Variants in KIF20B observed in about 807,000 individuals in gnomAD.
KIF20B encodes the protein kinesin-like protein KIF20B.
In KIF20B, 188 loss-of-function variants were observed where a neutral mutation model predicts 232.5. The ratio of observed to expected loss-of-function variants is 0.81; its 90% CI spans 0.72 to 0.91. The LOEUF is 0.91. Among genes scored for constraint, KIF20B ranks in the 40% least tolerant of loss-of-function variants. The pLI is 0.00. For synonymous variants in KIF20B, 712 were observed against 683.0 expected (o/e 1.04, Z -0.66); for missense variants, 2,154 against 2,055.9 (o/e 1.05, Z -0.92).
chr10:89,749,118 T>C (rs1368222455), intron 23 of KIF20B, among the ~76,000 whole-genome samples: 1 of 152,216 alleles, frequency 6.6e-6, no homozygotes, highest in Non-Finnish European at 1.5e-5. Flanking sequence ...GTTACCACTT[T>C]TCTCTCAGAA....
At chr10:89,748,983 C>T (rs530942385) in intron 23 of KIF20B, among the ~76,000 whole-genome samples, 1 of 152,138 alleles carries the variant, frequency 6.6e-6, no homozygotes, top group Admixed American at 6.5e-5. Context: ...CTCTTCTTTT[C>T]CTCAGTTATA....
At chr10:89,720,670 GT>G (rs988834144) in intron 13 of KIF20B, among the ~76,000 whole-genome samples, 1 of 151,896 alleles carries the variant, frequency 6.6e-6, no homozygotes. Flanking sequence ...TTTAACGGTT[GT>G]TTTTTTAGCT....
chr10:89,709,238 A>G lies in KIF20B; in HGVS notation c.219A>G (p.Lys73=). 6.2e-7 allele frequency: 1 copy of G among 1,609,354 alleles called. No individual in the cohort carries two copies. Among genetic ancestry groups the G allele is most frequent in the Non-Finnish European group, 8.5e-7 (1 of 1,176,992 alleles). ...TAAGACCATTTACACAGTCAGAAAA[A>G]GAACTTGAGTCTGAGGTTTGTGTTG... ...LRIRPFTQSE[K]ELESEGCVHI... Residue 73 remains lysine (K), a synonymous_variant, in exon 3 of 33, where the codon AAA becomes AAG. Transcript: ENST00000371728.
chr10:89,768,402 T>C lies in KIF20B; in HGVS notation c.5091+11T>C, dbSNP rs1842405837. On this transcript the variant is annotated intron_variant, in intron 30 of 32. Transcript: ENST00000371728. ...AAAAAGGAACAAAAGGTGTGTCTTTTAATTTGTCCAAAATTGTAGCAATTA... is the reference window on the plus strand; with the variant it reads ...AAAAAGGAACAAAAGGTGTGTCTTTCAATTTGTCCAAAATTGTAGCAATTA... The C allele has an allele frequency of 6.9e-7, 1 of 1,449,550 alleles. No individual in the cohort carries two copies. 89.8% of individuals were successfully genotyped at this position (1,449,550 alleles called of 1,614,324 possible).
intron 4 of KIF20B, 58 bp from the exon 5 acceptor site, chr10:89,709,869 A>G (rs1489545602): frequency 2.4e-5 from 34 of 1,413,944 alleles, no homozygotes; most frequent in Non-Finnish European, 3.1e-5. Context: ...GGGATGGAAC[A>G]CACTATTAAT....
chr10:89,740,282 A>G (rs1357884059), intron 21 of KIF20B, among the ~76,000 whole-genome samples: 5 of 150,992 alleles, frequency 3.3e-5, no homozygotes, highest in Non-Finnish European at 5.9e-5. Flanking sequence ...TACTTATTTA[A>G]AAAAAATTTA....
At chr10:89,727,923 T>G in intron 17 of KIF20B, 27 bp downstream of exon 17, 1 of 1,525,216 alleles carries the variant, frequency 6.6e-7, no homozygotes, top group Non-Finnish European at 8.9e-7. Flanking sequence ...TATTTTGTCT[T>G]GATAAGGTAT....
intron 26 of KIF20B, among the ~76,000 whole-genome samples, chr10:89,756,195 A>G (rs2133158577): frequency 6.6e-6 from 1 of 152,358 alleles, no homozygotes; most frequent in East Asian, 1.9e-4. Flanking sequence ...AAAAAAGTTT[A>G]CTTTTTCATG....
Position 89,738,468 on chromosome 10 carries a change from G to C in KIF20B, c.3627G>C (p.Gln1209His). The C allele has an allele frequency of 6.2e-7, 1 of 1,605,244 alleles. No individual in the cohort carries two copies. The highest frequency in any genetic ancestry group is 8.5e-7 in the Non-Finnish European group (1 of 1,177,114). Residue 1209 changes from glutamine (Q) to histidine (H), a missense_variant, in exon 20 of 33, where the codon CAG becomes CAC. Transcript: ENST00000371728. ...TGAAGGAATTTCAAGAACATCTTCA[G>C]GATTCTGTCAAAAACACCAAAGATT... ...RNLKEFQEHL[Q>H]DSVKNTKDLN...
chr10:89,763,900 T>G (rs983585094), intron 29 of KIF20B, among the ~76,000 whole-genome samples: 19 of 149,302 alleles, frequency 1.3e-4, no homozygotes, highest in Non-Finnish European at 2.5e-4. Context: ...ATTTATTTAT[T>G]TATTTATTAT....
In KIF20B at chr10:89,762,789, T is replaced by C. The variant is rs1842273064; in HGVS notation, c.4943T>C (p.Val1648Ala). The change falls in exon 29 of 33, where the codon GTT (valine) becomes GCT (alanine). Residue 1648 changes from valine (V) to alanine (A), a missense_variant. Physicochemically the swap from Val to Ala is moderately conservative, Grantham distance 64 (BLOSUM62 0). Transcript: ENST00000371728. ...KHPGCTTPVTVKIPKARKRKS... is the reference protein window; with the variant it reads ...KHPGCTTPVTAKIPKARKRKS... Reference sequence around the variant, plus strand: ...CCTGGTTGTACCACACCAGTGACAGTTAAGATTCCCAAGGCTCGGAAGAGG... The same window carrying C: ...CCTGGTTGTACCACACCAGTGACAGCTAAGATTCCCAAGGCTCGGAAGAGG... The C allele has an allele frequency of 1.2e-6, 2 of 1,613,128 alleles. No homozygotes were observed. Among genetic ancestry groups the C allele is most frequent in the Non-Finnish European group, 1.7e-6 (2 of 1,179,530 alleles).
At chr10:89,732,724 T>C (rs1296144089) in intron 18 of KIF20B, among the ~76,000 whole-genome samples, 179 bp from the exon 19 acceptor site, 1 of 152,186 alleles carries the variant, frequency 6.6e-6, no homozygotes, top group Non-Finnish European at 1.5e-5. Flanking sequence ...TCCCCAAATG[T>C]TACTTATTTG....
At chr10:89,720,453 A>T (rs1843028391) in intron 13 of KIF20B, among the ~76,000 whole-genome samples, 1 of 152,102 alleles carries the variant, frequency 6.6e-6, no homozygotes, top group Non-Finnish European at 1.5e-5. Context: ...AGTATTTCAG[A>T]TCTGTATTGC....
At chr10:89,728,752 C>G (rs939818580) in intron 17 of KIF20B, among the ~76,000 whole-genome samples, 1 of 151,732 alleles carries the variant, frequency 6.6e-6, no homozygotes, top group Non-Finnish European at 1.5e-5. Context: ...AATCTCCCCA[C>G]CAGGTAATTT....
At chr10:89,768,570 A>C (rs190714969) in intron 30 of KIF20B, among the ~76,000 whole-genome samples, 168 bp from the exon 31 acceptor site, 180 of 152,154 alleles carry the variant, frequency 1.2e-3, no homozygotes, top group African/African-American at 3.7e-3. Context: ...TCTGCCTGTC[A>C]AACTCTTTTT....
intron 1 of KIF20B, among the ~76,000 whole-genome samples, chr10:89,702,080 TTA>T (rs1564654711): frequency 4.3e-4 from 65 of 152,320 alleles, no homozygotes; most frequent in African/African-American, 1.5e-3. Flanking sequence ...ATGTTTGCAG[TTA>T]TTAATATTAT....
intron 2 of KIF20B, among the ~76,000 whole-genome samples, chr10:89,705,904 T>G (rs867737591): frequency 5.0e-4 from 76 of 152,222 alleles, no homozygotes; most frequent in African/African-American, 1.7e-3. Flanking sequence ...TGTGCAGATA[T>G]GCCACATTTC....
chr10:89,737,566 A>G lies in KIF20B; in HGVS notation c.2725A>G (p.Asn909Asp), dbSNP rs1841685383. 2 of 1,607,312 alleles carry G rather than the reference A, an allele frequency of 1.2e-6. No individual in the cohort carries two copies. The highest frequency in any genetic ancestry group is 2.7e-5 in the African/African-American group (2 of 74,538). ...KNEKEEKAEL[N>D]KQIVHFQQEL... is the part of the protein sequence containing the mutation. Reference sequence around the variant, plus strand: ...TGAAAAGGAAGAAAAAGCAGAATTAAATAAACAGATTGTTCATTTTCAGCA... The same window carrying G: ...TGAAAAGGAAGAAAAAGCAGAATTAGATAAACAGATTGTTCATTTTCAGCA... Residue 909 changes from asparagine (N) to aspartate (D), a missense_variant, in exon 20 of 33, where the codon AAT becomes GAT. Asn to Asp is a conservative substitution (Grantham distance 23). Coordinates refer to ENST00000371728, the MANE Select transcript of KIF20B (RefSeq NM_001284259.2).
chr10:89,714,279 G>A lies in KIF20B; in HGVS notation c.712+196G>A, dbSNP rs1428082459. ...GTGGATCATGAGGTCAAGAGATTGAGACCATCCTGGCCAACATGATGAAAC... is the reference window on the plus strand; with the variant it reads ...GTGGATCATGAGGTCAAGAGATTGAAACCATCCTGGCCAACATGATGAAAC... On this transcript the variant is annotated intron_variant, in intron 7 of 32. Coordinates refer to ENST00000371728, the MANE Select transcript of KIF20B (RefSeq NM_001284259.2). Among the ~76,000 whole-genome samples the A allele has an allele frequency of 2.0e-5, 3 of 151,996 alleles. No individual in the cohort carries two copies. In the East Asian group the frequency reaches 5.8e-4, roughly 29 times the overall value.
Sources: gnomAD v4.1 joint callset for allele counts (sites outside exome capture counted in the v4.1 genomes callset) on GRCh38, gnomAD v4.1.1 for gene constraint, MANE v1.5 for transcripts, NCBI Gene and HGNC (gene_info 2026-07-23, HGNC 2026-07-21) for gene names.